ARNT: variants seen among roughly 807,000 people sequenced by gnomAD.
ARNT encodes class E basic helix-loop-helix protein 2.
Under a neutral mutation model 105.0 loss-of-function variants are expected in ARNT, and 30 were observed. The ratio of observed to expected loss-of-function variants is 0.29; its 90% CI spans 0.21 to 0.39. ARNT has a LOEUF of 0.39. ARNT is among the 10% of genes least tolerant of loss of function. ARNT has a pLI of 1.00. For missense variants in ARNT, 748 were observed against 978.7 expected (o/e 0.76, Z 3.15); for synonymous variants, 304 against 344.0 (o/e 0.88, Z 1.29).
intron 1 of ARNT, among the ~76,000 whole-genome samples, chr1:150,870,876 T>C (rs1259284821): frequency 6.6e-6 from 1 of 151,430 alleles, no homozygotes; most frequent in African/African-American, 2.4e-5. Context: ...GGAGGGAAAA[T>C]ATAAAATGGG....
Position 150,858,346 on chromosome 1 carries a change from C to T in ARNT, c.137+3G>A, listed in dbSNP as rs1172927974. On this transcript the variant is annotated splice_donor_region_variant and intron_variant, in intron 2 of 21. Transcript: ENST00000358595. The stretch of plus-strand genomic sequence containing the variant: ...ATTCATAACACACTACACTCAAACT[C>T]ACCCTGGTCGCCGCTTAATAGCCCT... 4 of 1,599,950 alleles carry T rather than the reference C, an allele frequency of 2.5e-6. No individual in the cohort carries two copies. Among genetic ancestry groups the T allele is most frequent in the Non-Finnish European group, 3.4e-6 (4 of 1,171,454 alleles).
At chr1:150,850,007 G>A (rs1418466198) in intron 3 of ARNT, among the ~76,000 whole-genome samples, 1 of 151,888 alleles carries the variant, frequency 6.6e-6, no homozygotes, top group Non-Finnish European at 1.5e-5. Flanking sequence ...AGCCAAGACT[G>A]CAGCACTGCA....
At chr1:150,876,456 C>A in intron 1 of ARNT, 87 bp downstream of exon 1, 1 of 1,523,480 alleles carries the variant, frequency 6.6e-7, no homozygotes, top group Non-Finnish European at 8.8e-7. Context: ...TCAGCTCCAG[C>A]TGCGTCCCCT....
rs770206803 is a variant in ARNT, at chr1:150,839,530, G to A, written c.397C>T (p.Arg133Cys). ...ARKPDKLTIL[R>C]MAVSHMKSLR... ...GACTTCATGTGAGAAACTGCCATGCGTAAGATGGTTAGCTTGTCTGGTTTT... is the reference window on the plus strand; with the variant it reads ...GACTTCATGTGAGAAACTGCCATGCATAAGATGGTTAGCTTGTCTGGTTTT... The change falls in exon 6 of 22, where the codon CGC becomes TGC. Residue 133 changes from arginine to cysteine, a missense_variant. This residue lies in a region of ARNT where 291 missense variants were observed against 444.6 expected (regional missense o/e 0.65). Coordinates refer to ENST00000358595, the MANE Select transcript of ARNT (RefSeq NM_001668.4). 5.0e-6 allele frequency: 8 copies of A among 1,614,196 alleles called. No individual in the cohort carries two copies. The highest frequency in any genetic ancestry group is 1.7e-5 in the Admixed American group (1 of 60,026).
intron 4 of ARNT, among the ~76,000 whole-genome samples, chr1:150,845,459 T>C (rs1662024559): frequency 1.3e-5 from 2 of 150,454 alleles, no homozygotes. Flanking sequence ...ATTACAAAAA[T>C]TAGCTAGGCA....
In ARNT at chr1:150,811,469, CACACACACAT is replaced by C. The variant is rs967619713; in HGVS notation, c.*542_*551del. 2 of 232,056 alleles carry C rather than the reference CACACACACAT, an allele frequency of 8.6e-6. No individual in the cohort carries two copies. The highest frequency in any genetic ancestry group is 4.5e-5 in the African/African-American group (2 of 43,988). 14.4% of individuals were successfully genotyped at this position (232,056 alleles called of 1,614,324 possible). On this transcript the variant is annotated 3_prime_UTR_variant, in exon 22 of 22. Coordinates refer to ENST00000358595, the MANE Select transcript of ARNT (RefSeq NM_001668.4). ...AGAAGCATGTGTGCGCACACACACA[CACACACACAT>C]ACACACACACTCTCTCTCACTTACT...
intron 12 of ARNT, among the ~76,000 whole-genome samples, chr1:150,828,499 A>G (rs1658730186): frequency 6.6e-6 from 1 of 152,174 alleles, no homozygotes; most frequent in African/African-American, 2.4e-5. Flanking sequence ...CTATATATCT[A>G]TCCTTACACC....
chr1:150,845,438 TAAA>T (rs944496329), intron 4 of ARNT, among the ~76,000 whole-genome samples: 3 of 150,826 alleles, frequency 2.0e-5, no homozygotes, highest in Admixed American at 1.3e-4. Context: ...CCATCTCTGC[TAAA>T]AAAAATTATT....
At chr1:150,848,028 T>G (rs1662573652) in intron 3 of ARNT, among the ~76,000 whole-genome samples, 1 of 152,176 alleles carries the variant, frequency 6.6e-6, no homozygotes, top group Non-Finnish European at 1.5e-5. Flanking sequence ...TGGCAAGCAA[T>G]TTACAATATG....
At chr1:150,850,340 T>C (rs1291744061) in intron 3 of ARNT, among the ~76,000 whole-genome samples, 1 of 152,202 alleles carries the variant, frequency 6.6e-6, no homozygotes, top group East Asian at 1.9e-4. Flanking sequence ...GAGCCGAAGC[T>C]GGACTGTACT....
chr1:150,850,374 C>G (rs1663107609), intron 3 of ARNT, among the ~76,000 whole-genome samples: 1 of 152,222 alleles, frequency 6.6e-6, no homozygotes, highest in Non-Finnish European at 1.5e-5. Flanking sequence ...CTCACTGCAA[C>G]CTCCCTGCCT....
intron 3 of ARNT, 37 bp downstream of exon 3, chr1:150,852,725 A>G (rs1663854585): frequency 6.4e-7 from 1 of 1,569,012 alleles, no homozygotes; most frequent in Admixed American, 1.7e-5. Context: ...CTAATTTTTA[A>G]TATCAGACAT....
intron 1 of ARNT, among the ~76,000 whole-genome samples, chr1:150,869,544 CTT>C (rs869055633): frequency 4.3e-5 from 6 of 141,120 alleles, no homozygotes; most frequent in South Asian, 2.3e-4. Context: ...GAAACTACTC[CTT>C]TTTTTTTTTT....
chr1:150,812,008 C>T lies in ARNT; in HGVS notation c.*13G>A. The T allele has an allele frequency of 1.3e-6, 2 of 1,484,360 alleles. No homozygotes were observed. The highest frequency in any genetic ancestry group is 1.8e-6 in the Non-Finnish European group (2 of 1,108,052). 91.9% of individuals were successfully genotyped at this position (1,484,360 alleles called of 1,614,324 possible). ...TTTTTTCTCCCCCACCCCTTATCCT[C>T]ACCCCAATAGTTCTATTCTGAAAAG... On this transcript the variant is annotated 3_prime_UTR_variant, in exon 22 of 22. Transcript: ENST00000358595.
intron 1 of ARNT, among the ~76,000 whole-genome samples, chr1:150,871,840 G>A (rs965595868): frequency 3.4e-5 from 5 of 146,910 alleles, no homozygotes; most frequent in African/African-American, 1.0e-4. Flanking sequence ...CCCAGGAGGC[G>A]GAGGTTGCAG....
At chr1:150,824,490 C>G (rs1336004343) in intron 13 of ARNT, among the ~76,000 whole-genome samples, 1 of 147,828 alleles carries the variant, frequency 6.8e-6, no homozygotes, top group Non-Finnish European at 1.5e-5. Context: ...GAGTCTCGCT[C>G]TGTCGCCAGG....
intron 11 of ARNT, 177 bp from the exon 12 acceptor site, chr1:150,829,404 G>A: frequency 3.1e-6 from 2 of 642,798 alleles, no homozygotes; most frequent in Non-Finnish European, 5.4e-6. Context: ...AAGGCATAAG[G>A]TCTAGCTCTG....
chr1:150,831,925 G>GAA lies in ARNT; in HGVS notation c.870-24_870-23dup, dbSNP rs34083816. ...ATTCCTAGAAGAGTTACAGGAGTTTGAAAAAAAAAAAAAAAATCTACCCGT... is the reference window on the plus strand; with the variant it reads ...ATTCCTAGAAGAGTTACAGGAGTTTGAAAAAAAAAAAAAAAAAATCTACCCGT... On this transcript the variant is annotated intron_variant, in intron 9 of 21. Coordinates refer to ENST00000358595, the MANE Select transcript of ARNT (RefSeq NM_001668.4). The GAA allele has an allele frequency of 8.7e-3, 9,684 of 1,110,076 alleles. 2 individuals are homozygous for GAA. The highest frequency in any genetic ancestry group is 0.013 in the South Asian group (884 of 67,804). 68.8% of individuals were successfully genotyped at this position (1,110,076 alleles called of 1,614,324 possible).
intron 21 of ARNT, chr1:150,812,587 A>G (rs1486345946): frequency 6.5e-6 from 1 of 152,894 alleles, no homozygotes; most frequent in Non-Finnish European, 1.5e-5. Flanking sequence ...TACTTTTTAT[A>G]ATTTTTTAAA....
Sources: gnomAD v4.1 joint callset for allele counts (sites outside exome capture counted in the v4.1 genomes callset) on GRCh38, gnomAD v4.1.1 for gene constraint, gnomAD v4.1.1 regional missense constraint, MANE v1.5 for transcripts, NCBI Gene and HGNC (gene_info 2026-07-23, HGNC 2026-07-21) for gene names.